Variants in TBC1D32 observed in about 807,000 individuals in gnomAD.
The protein encoded by TBC1D32 is protein broad-minded.
A neutral mutation model predicts 170.3 loss-of-function variants in TBC1D32; 151 were observed. The observed-to-expected ratio is 0.89, with a 90% CI of 0.78 to 1.01. The LOEUF (loss-of-function observed/expected upper bound fraction) is 1.01. Among genes scored for constraint, TBC1D32 ranks in the 50% least tolerant of loss-of-function variants. The pLI, the probability that TBC1D32 is intolerant of heterozygous loss-of-function variation, is 0.00. For synonymous variants in TBC1D32, 498 were observed against 488.0 expected, an observed-to-expected ratio of 1.02 and a Z score of -0.27; for missense variants, 1,464 against 1,457.1, an observed-to-expected ratio of 1.00 and a Z score of -0.08.
chr6:121,151,311 T>C (rs1784184963), intron 24 of TBC1D32, among the ~76,000 whole-genome samples: 1 of 152,186 alleles, frequency 6.6e-6, no homozygotes, highest in African/African-American at 2.4e-5. Flanking sequence ...TTGTGCGGTT[T>C]TGAGTGAATT....
intron 12 of TBC1D32, among the ~76,000 whole-genome samples, chr6:121,286,224 A>G (rs1023190791): frequency 2.0e-5 from 3 of 152,136 alleles, no homozygotes; most frequent in African/African-American, 7.2e-5. Context: ...CATGGCAAAG[A>G]AGTTGAAAAC....
At chr6:121,331,393 T>G (rs1811198317) in intron 1 of TBC1D32, among the ~76,000 whole-genome samples, 1 of 136,442 alleles carries the variant, frequency 7.3e-6, no homozygotes, top group Non-Finnish European at 1.6e-5. Flanking sequence ...TTTTTTTTTG[T>G]ATTTTCAGTA....
At chr6:121,298,180 T>C (rs575181546) in intron 10 of TBC1D32, among the ~76,000 whole-genome samples, 3 of 152,206 alleles carry the variant, frequency 2.0e-5, no homozygotes, top group Admixed American at 6.5e-5. Context: ...TGATATTTTG[T>C]AAATGTAGGA....
intron 24 of TBC1D32, among the ~76,000 whole-genome samples, chr6:121,143,811 C>A (rs1783097827): frequency 6.6e-6 from 1 of 151,944 alleles, no homozygotes; most frequent in Non-Finnish European, 1.5e-5. Flanking sequence ...ACACATTTAG[C>A]TCTATTTTTT....
chr6:121,244,221 ATTG>A (rs1319288870), intron 17 of TBC1D32, among the ~76,000 whole-genome samples: 2 of 152,046 alleles, frequency 1.3e-5, no homozygotes, highest in Non-Finnish European at 2.9e-5. Flanking sequence ...GTAAAAAAGT[ATTG>A]TTATTTTTTA....
intron 24 of TBC1D32, among the ~76,000 whole-genome samples, chr6:121,147,971 T>C (rs1402558354): frequency 2.6e-5 from 4 of 151,768 alleles, no homozygotes; most frequent in African/African-American, 7.2e-5. Context: ...CATTTTTTAA[T>C]TGGAATATTT....
At chr6:121,112,751 A>G in intron 28 of TBC1D32, 92 bp from the exon 29 acceptor site, 1 of 1,120,488 alleles carries the variant, frequency 8.9e-7, no homozygotes, top group Non-Finnish European at 1.2e-6. Context: ...ATTAAATAAA[A>G]AGCAGACATT....
intron 12 of TBC1D32, among the ~76,000 whole-genome samples, chr6:121,288,584 G>A (rs1297376987): frequency 6.6e-6 from 1 of 152,128 alleles, no homozygotes; most frequent in African/African-American, 2.4e-5. Context: ...ACAAGGAGGA[G>A]CTGGTACCAT....
At chr6:121,321,430 A>G (rs1371021750) in intron 2 of TBC1D32, among the ~76,000 whole-genome samples, 11 of 152,178 alleles carry the variant, frequency 7.2e-5, no homozygotes, top group East Asian at 3.9e-4. Flanking sequence ...GTTGACTACA[A>G]AAAGAATTCT....
intron 17 of TBC1D32, among the ~76,000 whole-genome samples, chr6:121,247,079 T>C (rs1374955516): frequency 1.3e-5 from 2 of 152,028 alleles, no homozygotes; most frequent in South Asian, 2.1e-4. Flanking sequence ...GAAAAAAGCA[T>C]CAGGTAACCT....
At chr6:121,145,058 T>A (rs1222150944) in intron 24 of TBC1D32, among the ~76,000 whole-genome samples, 1 of 152,102 alleles carries the variant, frequency 6.6e-6, no homozygotes, top group African/African-American at 2.4e-5. Context: ...AGCTTACAAG[T>A]GGGTCCAAGA....
intron 14 of TBC1D32, 53 bp downstream of exon 14, chr6:121,281,491 T>A: frequency 7.0e-7 from 1 of 1,431,130 alleles, no homozygotes; most frequent in Non-Finnish European, 9.6e-7. Context: ...CCACTGAGTA[T>A]CCACTAATAC....
chr6:121,242,627 C>T (rs939643668), intron 17 of TBC1D32, among the ~76,000 whole-genome samples: 1 of 152,094 alleles, frequency 6.6e-6, no homozygotes, highest in African/African-American at 2.4e-5. Flanking sequence ...CATCCACACA[C>T]TAATTTCCTT....
chr6:121,093,781 T>C (rs1413880540), intron 30 of TBC1D32, among the ~76,000 whole-genome samples: 2 of 152,284 alleles, frequency 1.3e-5, no homozygotes, highest in Non-Finnish European at 1.5e-5. Flanking sequence ...CCTATATTTT[T>C]CCATCACATG....
intron 17 of TBC1D32, among the ~76,000 whole-genome samples, chr6:121,247,714 A>AAAAAAAAAAC: frequency 6.7e-6 from 1 of 149,960 alleles, no homozygotes; most frequent in African/African-American, 2.5e-5. Context: ...AAAAAAAAAA[A>AAAAAAAAAAC]AAAAGACAAA....
At chr6:121,192,160 T>C (rs1790167747) in intron 22 of TBC1D32, among the ~76,000 whole-genome samples, 1 of 151,360 alleles carries the variant, frequency 6.6e-6, no homozygotes, top group African/African-American at 2.4e-5. Context: ...AGGAATAGAA[T>C]ATTAAGGATG....
intron 29 of TBC1D32, among the ~76,000 whole-genome samples, chr6:121,107,558 A>G (rs1367506686): frequency 6.6e-6 from 1 of 151,884 alleles, no homozygotes; most frequent in East Asian, 1.9e-4. Context: ...CTTTTTACTG[A>G]GTTGTTAAAA....
intron 1 of TBC1D32, among the ~76,000 whole-genome samples, chr6:121,332,227 A>G (rs1470843380): frequency 6.6e-6 from 1 of 152,178 alleles, no homozygotes; most frequent in African/African-American, 2.4e-5. Flanking sequence ...AAATGCTTCT[A>G]TTAAAAAAGA....
chr6:121,151,908 A>G (rs769690891), intron 24 of TBC1D32, among the ~76,000 whole-genome samples: 39 of 152,212 alleles, frequency 2.6e-4, no homozygotes, highest in Non-Finnish European at 5.1e-4. Flanking sequence ...TGTATATGAG[A>G]TGGGTCTCCT....
Sources: allele counts gnomAD v4.1 joint callset (sites outside exome capture counted in the v4.1 genomes callset), GRCh38; gene constraint gnomAD v4.1.1; transcripts MANE v1.5; gene names NCBI Gene and HGNC (gene_info 2026-07-23, HGNC 2026-07-21).